Variants in RAB11FIP2 observed in about 807,000 individuals in gnomAD.
RAB11FIP2 encodes RAB11 family interacting protein 2, also known as rab11 family-interacting protein 2.
RAB11FIP2 carries 16 observed loss-of-function variants against 40.9 expected under a neutral mutation model. The observed-to-expected ratio is 0.39, with a 90% CI of 0.26 to 0.59. The LOEUF (loss-of-function observed/expected upper bound fraction) is 0.59, where lower values mean the gene tolerates loss of function less well. Ranked by LOEUF, RAB11FIP2 falls within the 20% of genes least tolerant of loss-of-function variation. RAB11FIP2 has a pLI of 0.53. For synonymous variants in RAB11FIP2, 228 were observed against 213.7 expected (o/e 1.07, Z -0.58); for missense variants, 532 against 606.2 (o/e 0.88, Z 1.28).
rs1846079487 is a variant in RAB11FIP2, at chr10:118,005,198, C to G, written c.*3800G>C. 1 of 152,552 alleles carries G rather than the reference C, an allele frequency of 6.6e-6. No individual in the cohort carries two copies. Among genetic ancestry groups the G allele is most frequent in the Non-Finnish European group, 1.5e-5 (1 of 68,020 alleles). The allele number at this position is 152,552 out of a possible 1,614,324, so 9.4% of individuals were successfully genotyped here. On this transcript the variant is annotated 3_prime_UTR_variant, in exon 5 of 5. Coordinates refer to ENST00000355624, the MANE Select transcript of RAB11FIP2 (RefSeq NM_014904.3). ...ATTTTTTTGTACCTCAAAACACAAA[C>G]CATCTGGAAGCTTCGAAGACTAACA...
chr10:118,014,856 T>G (rs2133163478), intron 4 of RAB11FIP2, among the ~76,000 whole-genome samples: 1 of 152,316 alleles, frequency 6.6e-6, no homozygotes, highest in East Asian at 1.9e-4. Context: ...GCTTGAACTT[T>G]CATAGATCAT....
In RAB11FIP2 at chr10:118,027,192, T is replaced by C. The variant is rs145469488; in HGVS notation, c.1265+11780A>G. On this transcript the variant is annotated intron_variant, in intron 3 of 4. Transcript: ENST00000355624. ...TTTAATCTGTCCTACACCAAGGTTATTATCTCCATTTTACAGTTGGAAAAA... is the reference window on the plus strand; with the variant it reads ...TTTAATCTGTCCTACACCAAGGTTACTATCTCCATTTTACAGTTGGAAAAA... Among the ~76,000 whole-genome samples, 369 of 152,338 alleles carry C rather than the reference T, an allele frequency of 2.4e-3. 1 individual carries two copies. Among genetic ancestry groups the C allele is most frequent in the Non-Finnish European group, 2.3e-3 (157 of 68,022 alleles).
Position 118,046,264 on chromosome 10 carries a change from G to A in RAB11FIP2, c.-101C>T, listed in dbSNP as rs1846635328. On this transcript the variant is annotated 5_prime_UTR_variant, in exon 1 of 5. Transcript: ENST00000355624. ...TCACTGCATCCTAAGGACACTTAAC[G>A]GAAACAGGCAGGCTCAGGGCTCCCC... is the stretch of plus-strand genomic sequence containing the variant. The A allele has an allele frequency of 5.7e-6, 6 of 1,054,202 alleles. No homozygotes were observed. Among genetic ancestry groups the A allele is most frequent in the Non-Finnish European group, 7.0e-6 (5 of 712,238 alleles). The allele number at this position is 1,054,202 out of a possible 1,614,324, so 65.3% of individuals were successfully genotyped here. A position where few individuals can be genotyped will look rare whatever the true frequency, so the allele number is the denominator to read the frequency against.
rs575825733 is a variant in RAB11FIP2, at chr10:118,027,582, A to G, written c.1265+11390T>C. 3.3e-5 allele frequency among the ~76,000 whole-genome samples: 5 copies of G among 152,320 alleles called. No homozygotes were observed. The East Asian group carries it at 5.8e-4, about 18-fold the overall frequency. On this transcript the variant is annotated intron_variant, in intron 3 of 4. Coordinates refer to ENST00000355624, the MANE Select transcript of RAB11FIP2 (RefSeq NM_014904.3). ...TACCAGGCTCTGTAACAAAGAGTTC[A>G]TTATACTTCATGCAGAGCTGCTGCT... is the stretch of plus-strand genomic sequence containing the variant.
intron 3 of RAB11FIP2, among the ~76,000 whole-genome samples, chr10:118,027,898 A>G (rs939649928): frequency 1.3e-5 from 2 of 152,140 alleles, no homozygotes; most frequent in African/African-American, 4.8e-5. Context: ...ATGATGTTCC[A>G]TGGTCAAGAT....
chr10:118,026,394 A>C (rs1395776067), intron 3 of RAB11FIP2, among the ~76,000 whole-genome samples: 2 of 152,224 alleles, frequency 1.3e-5, no homozygotes, highest in Non-Finnish European at 2.9e-5. Context: ...AAGAACCTTG[A>C]ATTCAGAGAC....
intron 1 of RAB11FIP2, chr10:118,045,228 G>C (rs570558820): frequency 6.6e-6 from 1 of 152,232 alleles, no homozygotes; most frequent in Non-Finnish European, 1.5e-5. Flanking sequence ...TGCATTCGAA[G>C]TTGAGGATGT....
chr10:118,038,232 A>G (rs1034017480), intron 3 of RAB11FIP2, among the ~76,000 whole-genome samples: 2 of 151,306 alleles, frequency 1.3e-5, no homozygotes, highest in Non-Finnish European at 2.9e-5. Context: ...GCATATCTAC[A>G]CTTATATCTA....
At chr10:118,042,589 T>G (rs1846574747) in intron 1 of RAB11FIP2, among the ~76,000 whole-genome samples, 1 of 152,160 alleles carries the variant, frequency 6.6e-6, no homozygotes, top group African/African-American at 2.4e-5. Flanking sequence ...AGAAAGACAA[T>G]GCAAATTTTC....
chr10:118,025,146 A>G (rs1332498181), intron 3 of RAB11FIP2, among the ~76,000 whole-genome samples: 1 of 152,206 alleles, frequency 6.6e-6, no homozygotes. Context: ...TTAAATTATA[A>G]AATTTTTGCC....
At chr10:118,035,504 A>C (rs1474654038) in intron 3 of RAB11FIP2, among the ~76,000 whole-genome samples, 1 of 152,168 alleles carries the variant, frequency 6.6e-6, no homozygotes, top group Non-Finnish European at 1.5e-5. Flanking sequence ...TAGGAGGCTA[A>C]CGGAATGAGA....
intron 4 of RAB11FIP2, among the ~76,000 whole-genome samples, chr10:118,009,840 A>G (rs893818831): frequency 6.6e-6 from 1 of 152,038 alleles, no homozygotes; most frequent in Non-Finnish European, 1.5e-5. Context: ...TAACTGGTCT[A>G]TTTCTTTCTC....
chr10:118,011,744 T>C (rs1846157887), intron 4 of RAB11FIP2, among the ~76,000 whole-genome samples: 1 of 152,032 alleles, frequency 6.6e-6, no homozygotes, highest in South Asian at 2.1e-4. Flanking sequence ...ACTAATAAAC[T>C]CTAACTAATG....
At chr10:118,016,205 GCT>G (rs1846218212) in intron 3 of RAB11FIP2, among the ~76,000 whole-genome samples, 1 of 152,304 alleles carries the variant, frequency 6.6e-6, no homozygotes, top group East Asian at 1.9e-4. Context: ...TGAAGTACTA[GCT>G]TCCAGAAGTG....
chr10:118,022,739 A>G (rs768695352), intron 3 of RAB11FIP2, among the ~76,000 whole-genome samples: 6 of 152,240 alleles, frequency 3.9e-5, no homozygotes, highest in Non-Finnish European at 7.3e-5. Context: ...GGAAGGAACC[A>G]TATCTCATTC....
intron 3 of RAB11FIP2, among the ~76,000 whole-genome samples, chr10:118,038,653 T>G (rs1287503941): frequency 1.3e-5 from 2 of 152,070 alleles, no homozygotes; most frequent in Non-Finnish European, 2.9e-5. Context: ...TGGCTTGAAC[T>G]AACACCCACT....
Position 118,039,367 on chromosome 10 carries a change from C to T in RAB11FIP2, c.870G>A (p.Val290=), listed in dbSNP as rs1349733521. The T allele has an allele frequency of 6.2e-7, 1 of 1,613,488 alleles. No homozygotes were observed. The highest frequency in any genetic ancestry group is 8.5e-7 in the Non-Finnish European group (1 of 1,179,624). ...TTCCGAAACACAATTCACCTTCATC[C>T]ACAATGCTGTCAGGTTGGTTCATTT... The part of the protein sequence containing the change: ...TSKMNQPDSI[V]DEGELCFGRQ... Residue 290 remains valine, a synonymous_variant, in exon 3 of 5, where the codon GTG becomes GTA. Coordinates refer to ENST00000355624, the MANE Select transcript of RAB11FIP2 (RefSeq NM_014904.3).
intron 3 of RAB11FIP2, among the ~76,000 whole-genome samples, chr10:118,023,389 A>C (rs1022459101): frequency 6.6e-6 from 1 of 152,162 alleles, no homozygotes; most frequent in Non-Finnish European, 1.5e-5. Context: ...GAAACTCAAT[A>C]TTTTTTCTTT....
At position 118,008,917 on chromosome 10, in the gene RAB11FIP2, C is replaced by T; in HGVS notation, c.*81G>A. On this transcript the variant is annotated 3_prime_UTR_variant, in exon 5 of 5. Coordinates refer to ENST00000355624, the MANE Select transcript of RAB11FIP2 (RefSeq NM_014904.3). ...GTAATGAAACCTGATAGTGTAGTCT[C>T]TTTCAGTAACAAGTTTTTCCTTCCT... 1 of 1,147,642 alleles carries T rather than the reference C, an allele frequency of 8.7e-7. No individual in the cohort carries two copies. Among genetic ancestry groups the T allele is most frequent in the Admixed American group, 1.9e-5 (1 of 51,404 alleles). 71.1% of individuals were successfully genotyped at this position (1,147,642 alleles called of 1,614,324 possible).
Sources: allele counts gnomAD v4.1 joint callset (sites outside exome capture counted in the v4.1 genomes callset), GRCh38; gene constraint gnomAD v4.1.1; transcripts MANE v1.5; gene names NCBI Gene and HGNC (gene_info 2026-07-23, HGNC 2026-07-21).